The following VPS26A variants were observed in gnomAD, a reference collection of about 807,000 sequenced individuals.
VPS26A encodes the protein VPS26 retromer complex component A, also known as vacuolar protein sorting-associated protein 26A.
VPS26A carries 22 observed loss-of-function variants against 42.4 expected under a neutral mutation model. That is an observed-to-expected ratio of 0.52 (90% confidence interval 0.37 to 0.74). The LOEUF (loss-of-function observed/expected upper bound fraction) is 0.74. VPS26A is among the 30% of genes least tolerant of loss of function. VPS26A has a pLI of 0.00. For synonymous variants in VPS26A, 110 were observed against 123.5 expected (o/e 0.89, Z 0.73); for missense variants, 276 against 379.2 (o/e 0.73, Z 2.26).
At chr10:69,139,213 G>C (rs1429981925) in intron 2 of VPS26A, among the ~76,000 whole-genome samples, 2 of 152,046 alleles carry the variant, frequency 1.3e-5, no homozygotes, top group Non-Finnish European at 2.9e-5. Flanking sequence ...TTTGCATATT[G>C]GTAATGGCTT....
chr10:69,174,321 A>G lies in VPS26A; in HGVS notation c.*3052A>G, dbSNP rs1462067833. On this transcript the variant is annotated 3_prime_UTR_variant, in exon 9 of 9. Coordinates refer to ENST00000263559, the MANE Select transcript of VPS26A (RefSeq NM_004896.5). ...TGAGGTGATCATGCCACTGCACTGT[A>G]GCTTGGGTGACAGAGACACCATGTC... Among the ~76,000 whole-genome samples the G allele has an allele frequency of 6.6e-6, 1 of 152,222 alleles. No individual in the cohort carries two copies. The highest frequency in any genetic ancestry group is 1.5e-5 in the Non-Finnish European group (1 of 68,042).
intron 2 of VPS26A, among the ~76,000 whole-genome samples, chr10:69,152,820 AT>A (rs1841344498): frequency 6.6e-6 from 1 of 151,954 alleles, no homozygotes; most frequent in African/African-American, 2.4e-5. Flanking sequence ...ATACAAAAAA[AT>A]TAGCCGGGCA....
chr10:69,160,127 TACACACACACACACACACACAC>T (rs71035066), intron 5 of VPS26A, among the ~76,000 whole-genome samples: 3 of 148,348 alleles, frequency 2.0e-5, no homozygotes, highest in African/African-American at 2.5e-5. Flanking sequence ...ACATAATTTT[TACACACACACACACACACACAC>T]ACACACACAC....
chr10:69,133,074 C>T, intron 2 of VPS26A, 27 bp downstream of exon 2: 1 of 1,598,568 alleles, frequency 6.3e-7, no homozygotes, highest in East Asian at 2.2e-5. Flanking sequence ...ACAAAACTAT[C>T]TAATTGTAAG....
intron 2 of VPS26A, among the ~76,000 whole-genome samples, chr10:69,145,005 T>C (rs1297783476): frequency 2.0e-5 from 3 of 152,054 alleles, no homozygotes; most frequent in Non-Finnish European, 2.9e-5. Flanking sequence ...CTGTTTTTTT[T>C]CCTCCTATAA....
At chr10:69,152,107 G>A (rs1012614483) in intron 2 of VPS26A, among the ~76,000 whole-genome samples, 5 of 152,082 alleles carry the variant, frequency 3.3e-5, no homozygotes, top group Admixed American at 3.3e-4. Context: ...TATTTGGGAG[G>A]CTGAGGTGGG....
In VPS26A at chr10:69,149,727, G is replaced by GT. The variant is rs151136046; in HGVS notation, c.154-6079dup. Among the ~76,000 whole-genome samples the GT allele has an allele frequency of 2.2e-3, 204 of 93,930 alleles. 23 individuals carry two copies. Among genetic ancestry groups the GT allele is most frequent in the African/African-American group, 5.3e-3 (109 of 20,572 alleles). The allele number at this position is 93,930 out of a possible 152,430, so 61.6% of individuals were successfully genotyped here. On this transcript the variant is annotated intron_variant, in intron 2 of 8. Coordinates refer to ENST00000263559, the MANE Select transcript of VPS26A (RefSeq NM_004896.5). The stretch of plus-strand genomic sequence containing the variant: ...ACCATGGAATGTTAACTTTCTTGGT[G>GT]TTTTTTGTTTTTTTTTTTTTTTTTT...
chr10:69,170,301 A>T (rs1420009213), intron 8 of VPS26A: 2 of 152,246 alleles, frequency 1.3e-5, no homozygotes, highest in Admixed American at 1.3e-4. Flanking sequence ...TACATGATTT[A>T]TAACTTTGAA....
At chr10:69,160,211 G>C (rs138374952) in intron 5 of VPS26A, among the ~76,000 whole-genome samples, 1 of 152,002 alleles carries the variant, frequency 6.6e-6, no homozygotes, top group African/African-American at 2.4e-5. Context: ...CCAGGCTGGA[G>C]TGCAATGGCG....
chr10:69,133,223 G>A (rs1840826535), intron 2 of VPS26A, among the ~76,000 whole-genome samples, 176 bp downstream of exon 2: 1 of 151,702 alleles, frequency 6.6e-6, no homozygotes, highest in Non-Finnish European at 1.5e-5. Flanking sequence ...GCAAAGGAAA[G>A]ATTCTTACCC....
chr10:69,150,292 G>A (rs780915572), intron 2 of VPS26A, among the ~76,000 whole-genome samples: 1 of 152,130 alleles, frequency 6.6e-6, no homozygotes, highest in Non-Finnish European at 1.5e-5. Flanking sequence ...CTGACCTGAA[G>A]CGGTCCGCTC....
At chr10:69,142,824 T>G (rs1841073144) in intron 2 of VPS26A, among the ~76,000 whole-genome samples, 1 of 151,888 alleles carries the variant, frequency 6.6e-6, no homozygotes, top group Non-Finnish European at 1.5e-5. Flanking sequence ...TTAAGAAGAT[T>G]AAAAATAAAC....
At chr10:69,151,283 ACACAC>A (rs1841308876) in intron 2 of VPS26A, among the ~76,000 whole-genome samples, 6 of 122,172 alleles carry the variant, frequency 4.9e-5, no homozygotes, top group Middle Eastern at 3.7e-3. Context: ...AAAAAAAAAA[ACACAC>A]ACACACACAC....
Position 69,168,617 on chromosome 10 carries a change from T to G in VPS26A, c.856T>G (p.Tyr286Asp). Residue 286 changes from tyrosine to aspartate, a missense_variant, in exon 8 of 9, where the codon TAC (tyrosine) becomes GAC (aspartate). By Grantham distance (160) the Tyr-to-Asp change is radical. Transcript: ENST00000263559. ...GCTTGTTGATGAGGAAGACCGGAGGTACTTCAAACAGCAGGTATGGTGCCA... is the reference window on the plus strand; with the variant it reads ...GCTTGTTGATGAGGAAGACCGGAGGGACTTCAAACAGCAGGTATGGTGCCA... Reference protein sequence around the residue: ...LVLVDEEDRRYFKQQEIILWR... With the variant: ...LVLVDEEDRRDFKQQEIILWR... 1 of 1,613,614 alleles carries G rather than the reference T, an allele frequency of 6.2e-7. No individual in the cohort carries two copies. The highest frequency in any genetic ancestry group is 1.3e-5 in the African/African-American group (1 of 75,010).
intron 7 of VPS26A, 143 bp from the exon 8 acceptor site, chr10:69,168,346 C>G (rs1841739299): frequency 1.1e-6 from 1 of 917,134 alleles, no homozygotes; most frequent in African/African-American, 1.7e-5. Flanking sequence ...ATCAGTACTA[C>G]TGAGGATGAA....
At chr10:69,130,650 A>T (rs1299432411) in intron 1 of VPS26A, among the ~76,000 whole-genome samples, 3 of 152,106 alleles carry the variant, frequency 2.0e-5, no homozygotes, top group South Asian at 2.1e-4. Context: ...GCTCAGTTAT[A>T]AAAAAAACAG....
chr10:69,141,746 A>G (rs926658773), intron 2 of VPS26A, among the ~76,000 whole-genome samples: 3 of 152,236 alleles, frequency 2.0e-5, no homozygotes, highest in Admixed American at 1.3e-4. Flanking sequence ...ATAACCATTA[A>G]GTGCTTAGGG....
intron 2 of VPS26A, among the ~76,000 whole-genome samples, chr10:69,148,784 C>T (rs1337880012): frequency 7.2e-6 from 1 of 139,360 alleles, no homozygotes; most frequent in Non-Finnish European, 1.5e-5. Flanking sequence ...GAGACGGAGT[C>T]TCACTCTGTT....
chr10:69,168,655 T>G (rs1312863570), intron 8 of VPS26A, 24 bp downstream of exon 8: 1 of 1,609,448 alleles, frequency 6.2e-7, no homozygotes, highest in Non-Finnish European at 8.5e-7. Flanking sequence ...TGGGCTGGTA[T>G]TATGTTCTGC....
Sources: gnomAD v4.1 joint callset for allele counts (sites outside exome capture counted in the v4.1 genomes callset) on GRCh38, gnomAD v4.1.1 for gene constraint, MANE v1.5 for transcripts, NCBI Gene and HGNC (gene_info 2026-07-23, HGNC 2026-07-21) for gene names.